Variants in TES observed in about 807,000 individuals in gnomAD.
TES encodes the protein testin LIM domain protein, also known as testin.
In TES, 41 loss-of-function variants were observed where a neutral mutation model predicts 48.2. The observed-to-expected ratio is 0.85, with a 90% CI of 0.66 to 1.10. The LOEUF is 1.10. Among genes scored for constraint, TES ranks in the 50% least tolerant of loss-of-function variants. The pLI, the probability that TES is intolerant of heterozygous loss-of-function variation, is 0.00. For synonymous variants in TES, 162 were observed against 174.9 expected, an observed-to-expected ratio of 0.93 and a Z score of 0.58; for missense variants, 463 against 515.1, an observed-to-expected ratio of 0.90 and a Z score of 0.98.
At chr7:116,251,645 T>C in intron 4 of TES, 115 bp from the exon 5 acceptor site, 1 of 949,174 alleles carries the variant, frequency 1.1e-6, no homozygotes, top group Admixed American at 2.0e-5. Flanking sequence ...ATAGCACCAC[T>C]GGACTCCAGC....
At position 116,251,814 on chromosome 7, in the gene TES, G is replaced by C. The variant is rs767465842; in HGVS notation, c.757G>C (p.Glu253Gln). 6.2e-7 allele frequency: 1 copy of C among 1,614,192 alleles called. No individual in the cohort carries two copies. Among genetic ancestry groups the C allele is most frequent in the Non-Finnish European group, 8.5e-7 (1 of 1,180,038 alleles). ...AGAAGGTGACCCAGCCATCTATGCC[G>C]AAAGGGCTGGCTATGATAAACTGTG... Reference protein sequence around the residue: ...MKEGDPAIYAERAGYDKLWHP... With the variant: ...MKEGDPAIYAQRAGYDKLWHP... The change falls in exon 5 of 7, where the codon GAA becomes CAA. Residue 253 changes from glutamate (E) to glutamine (Q), a missense_variant. By Grantham distance (29) the Glu-to-Gln change is conservative. Transcript: ENST00000358204.
intron 1 of TES, among the ~76,000 whole-genome samples, chr7:116,219,811 A>C (rs1458275501): frequency 6.6e-6 from 1 of 152,208 alleles, no homozygotes; most frequent in Non-Finnish European, 1.5e-5. Flanking sequence ...ATGTATCAAG[A>C]GTATTCTGAG....
At chr7:116,243,435 T>A (rs1799875626) in intron 2 of TES, among the ~76,000 whole-genome samples, 1 of 152,206 alleles carries the variant, frequency 6.6e-6, no homozygotes, top group South Asian at 2.1e-4. Flanking sequence ...GAGTCCTTAC[T>A]TTTTCCCTCT....
In TES at chr7:116,210,723, A is replaced by G. The variant is rs1354222653; in HGVS notation, c.16A>G (p.Lys6Glu). 1.6e-6 allele frequency: 2 copies of G among 1,256,414 alleles called. No individual in the cohort carries two copies. The highest frequency in any genetic ancestry group is 4.1e-5 in the Admixed American group (1 of 24,128). The allele number at this position is 1,256,414 out of a possible 1,614,324, so 77.8% of individuals were successfully genotyped here. ...ACGCGTTAACATGGACCTGGAAAACAAAGTGAAGAAGGTAGGGGGGCGCTC... is the reference window on the plus strand; with the variant it reads ...ACGCGTTAACATGGACCTGGAAAACGAAGTGAAGAAGGTAGGGGGGCGCTC... MDLEN[K>E]VKKMGLGHEQ... Residue 6 changes from lysine to glutamate, a missense_variant, in exon 1 of 7, where the codon AAA becomes GAA. Lys to Glu is a moderately conservative substitution (Grantham distance 56). Coordinates refer to ENST00000358204, the MANE Select transcript of TES (RefSeq NM_015641.4).
chr7:116,240,537 T>C (rs2116608577), intron 2 of TES, among the ~76,000 whole-genome samples: 1 of 152,230 alleles, frequency 6.6e-6, no homozygotes, highest in South Asian at 2.1e-4. Flanking sequence ...GTGTTAATGG[T>C]GCTAAATTCT....
intron 6 of TES, among the ~76,000 whole-genome samples, chr7:116,256,346 G>A (rs1179271731): frequency 3.9e-5 from 6 of 152,112 alleles, no homozygotes; most frequent in East Asian, 1.9e-4. Flanking sequence ...ATCACATTAC[G>A]AGACCAAGGG....
chr7:116,231,189 G>T (rs1799695607), intron 1 of TES, among the ~76,000 whole-genome samples: 1 of 152,102 alleles, frequency 6.6e-6, no homozygotes, highest in Non-Finnish European at 1.5e-5. Context: ...CTCCTCTCTG[G>T]ATTCTATTTT....
chr7:116,250,489 C>T lies in TES; in HGVS notation c.695C>T (p.Thr232Ile), dbSNP rs1799990733. The change falls in exon 4 of 7, where the codon ACT (threonine) becomes ATT (isoleucine). Residue 232 changes from threonine to isoleucine, a missense_variant. Transcript: ENST00000358204. The stretch of plus-strand genomic sequence containing the variant: ...GACAAATCTGCTGAGCACAAAAGAA[C>T]TCAATATGTAAGTAGAGTGGTCACA... ...MEDKSAEHKRTQYSCYCCKLS... is the reference protein window; with the variant it reads ...MEDKSAEHKRIQYSCYCCKLS... 2.0e-6 allele frequency: 3 copies of T among 1,536,996 alleles called. No individual in the cohort carries two copies. The highest frequency in any genetic ancestry group is 2.6e-6 in the Non-Finnish European group (3 of 1,145,134).
chr7:116,243,731 A>G (rs1395079697), intron 2 of TES: 2 of 152,164 alleles, frequency 1.3e-5, no homozygotes, highest in Non-Finnish European at 2.9e-5. Context: ...TACTCATCCC[A>G]GAAACTTGGT....
chr7:116,250,523 C>T, intron 4 of TES, 27 bp downstream of exon 4: 1 of 1,465,062 alleles, frequency 6.8e-7, no homozygotes, highest in South Asian at 1.5e-5. Context: ...CACTGTTAGC[C>T]TGATTTGTAT....
intron 1 of TES, among the ~76,000 whole-genome samples, chr7:116,219,704 G>A (rs1416354149): frequency 6.6e-6 from 1 of 152,096 alleles, no homozygotes; most frequent in Non-Finnish European, 1.5e-5. Context: ...CTATTACGTG[G>A]GAATGAAGGA....
At chr7:116,244,858 C>A (rs1280941907) in intron 2 of TES, among the ~76,000 whole-genome samples, 3 of 152,182 alleles carry the variant, frequency 2.0e-5, no homozygotes, top group Non-Finnish European at 4.4e-5. Context: ...TTCTGCATAC[C>A]TGCAGGACCA....
At position 116,210,594 on chromosome 7, in the gene TES, C is replaced by A; in HGVS notation, c.-114C>A. 8.7e-7 allele frequency: 1 copy of A among 1,154,724 alleles called. No homozygotes were observed. The highest frequency in any genetic ancestry group is 1.1e-6 in the Non-Finnish European group (1 of 899,536). 71.5% of individuals were successfully genotyped at this position (1,154,724 alleles called of 1,614,324 possible). A position where few individuals can be genotyped will look rare whatever the true frequency, so the allele number is the denominator to read the frequency against. On this transcript the variant is annotated 5_prime_UTR_variant, in exon 1 of 7. Transcript: ENST00000358204. ...CGGCGCCGGGCGAGTGGCTGTTGAG[C>A]GGCGCCGCGGGAGTTCCGCAGGTTT...
intron 1 of TES, among the ~76,000 whole-genome samples, chr7:116,219,033 T>C (rs1388574290): frequency 1.3e-5 from 2 of 152,114 alleles, no homozygotes; most frequent in African/African-American, 2.4e-5. Context: ...CCACTTTGAG[T>C]AGCACAGCAA....
chr7:116,238,795 T>C (rs1278026015), intron 2 of TES, among the ~76,000 whole-genome samples: 1 of 152,034 alleles, frequency 6.6e-6, no homozygotes, highest in Non-Finnish European at 1.5e-5. Context: ...GAGACGGGGT[T>C]TCACCATGTT....
At chr7:116,244,484 C>T (rs1298515526) in intron 2 of TES, among the ~76,000 whole-genome samples, 2 of 152,220 alleles carry the variant, frequency 1.3e-5, no homozygotes, top group Non-Finnish European at 2.9e-5. Flanking sequence ...GTCTCACATC[C>T]AGGGTGTGCT....
chr7:116,249,393 C>A, intron 3 of TES, 121 bp downstream of exon 3: 1 of 1,200,468 alleles, frequency 8.3e-7, no homozygotes, highest in Non-Finnish European at 1.2e-6. Flanking sequence ...CCGGGGTTCT[C>A]ATTACTTTGA....
chr7:116,236,627 A>T (rs150689543), intron 2 of TES, among the ~76,000 whole-genome samples: 1 of 152,162 alleles, frequency 6.6e-6, no homozygotes, highest in African/African-American at 2.4e-5. Flanking sequence ...TAGTTCTGCT[A>T]TGCAGTTGCC....
At chr7:116,252,177 G>T in intron 5 of TES, 141 bp from the exon 6 acceptor site, 1 of 1,039,882 alleles carries the variant, frequency 9.6e-7, no homozygotes, top group Non-Finnish European at 1.4e-6. Context: ...ATAAAAGATT[G>T]ATTTAGACTA....
Sources: gnomAD v4.1 joint callset for allele counts (sites outside exome capture counted in the v4.1 genomes callset) on GRCh38, gnomAD v4.1.1 for gene constraint, MANE v1.5 for transcripts, NCBI Gene and HGNC (gene_info 2026-07-23, HGNC 2026-07-21) for gene names.